Variants in AFF4 observed in about 807,000 individuals in gnomAD.
AFF4 encodes the protein ALF transcription elongation factor 4.
Under a neutral mutation model 124.8 loss-of-function variants are expected in AFF4, and 13 were observed. The observed-to-expected ratio is 0.10, with a 90% confidence interval of 0.07 to 0.17. AFF4 has a LOEUF of 0.17. AFF4 is among the 10% of genes least tolerant of loss of function. The pLI is 1.00. For synonymous variants in AFF4, 477 were observed against 496.1 expected (o/e 0.96, Z 0.51); for missense variants, 1,092 against 1,403.8 (o/e 0.78, Z 3.55).
Position 132,891,744 on chromosome 5 carries a change from C to T in AFF4, c.2637+420G>A, listed in dbSNP as rs1300006157. 2.3e-5 allele frequency: 5 copies of T among 218,278 alleles called. No homozygotes were observed. In the East Asian group the frequency reaches 3.8e-4, roughly 17 times the overall value. 13.5% of individuals were successfully genotyped at this position (218,278 alleles called of 1,614,324 possible). On this transcript the variant is annotated intron_variant, in intron 13 of 20. Transcript: ENST00000265343. ...AACTCAATCTTAGCAACTAGAACCACTTAGTTCTTATTTTAAAAGCTTCCA... is the reference window on the plus strand; with the variant it reads ...AACTCAATCTTAGCAACTAGAACCATTTAGTTCTTATTTTAAAAGCTTCCA...
At chr5:132,901,966 C>T (rs1561487380) in intron 7 of AFF4, among the ~76,000 whole-genome samples, 1 of 152,230 alleles carries the variant, frequency 6.6e-6, no homozygotes, top group African/African-American at 2.4e-5. Flanking sequence ...AAAACACAGA[C>T]TATGTGGCTC....
At chr5:132,913,910 AAC>A (rs1229327554) in intron 5 of AFF4, among the ~76,000 whole-genome samples, 2 of 152,190 alleles carry the variant, frequency 1.3e-5, no homozygotes, top group Non-Finnish European at 1.5e-5. Flanking sequence ...TTTGGGAACC[AAC>A]ACAGTTAGAT....
At chr5:132,953,569 A>T (rs971228456) in intron 1 of AFF4, among the ~76,000 whole-genome samples, 1 of 152,150 alleles carries the variant, frequency 6.6e-6, no homozygotes, top group East Asian at 1.9e-4. Flanking sequence ...CAAAAATCTC[A>T]ATCTTAATAC....
At chr5:132,910,804 T>C (rs1760777640) in intron 5 of AFF4, among the ~76,000 whole-genome samples, 1 of 152,236 alleles carries the variant, frequency 6.6e-6, no homozygotes, top group Admixed American at 6.5e-5. Context: ...CGTTTTCCTA[T>C]GTTCTTTAAA....
In AFF4 at chr5:132,899,550, A is replaced by G. The variant is rs374873141; in HGVS notation, c.1188+37T>C. On this transcript the variant is annotated intron_variant, in intron 8 of 20. Transcript: ENST00000265343. ...TTTTATAAAATACAATGAAAATACTATATGAGACTGGCAAAATAATACAAT... is the reference window on the plus strand; with the variant it reads ...TTTTATAAAATACAATGAAAATACTGTATGAGACTGGCAAAATAATACAAT... The G allele has an allele frequency of 1.6e-4, 255 of 1,548,630 alleles. 1 individual carries two copies. Among genetic ancestry groups the G allele is most frequent in the Middle Eastern group, 6.8e-4 (4 of 5,888 alleles).
At chr5:132,935,277 G>C (rs1430516811) in intron 2 of AFF4, among the ~76,000 whole-genome samples, 1 of 152,200 alleles carries the variant, frequency 6.6e-6, no homozygotes, top group East Asian at 1.9e-4. Flanking sequence ...CACCTGTGAA[G>C]AGCAACTGCA....
Position 132,963,382 on chromosome 5 carries a change from C to G in AFF4, c.-128G>C. 1 of 397,756 alleles carries G rather than the reference C, an allele frequency of 2.5e-6. No individual in the cohort carries two copies. The highest frequency in any genetic ancestry group is 2.1e-5 in the African/African-American group (1 of 48,706). The allele number at this position is 397,756 out of a possible 1,614,324, so 24.6% of individuals were successfully genotyped here. On this transcript the variant is annotated 5_prime_UTR_variant, in exon 1 of 21. Coordinates refer to ENST00000265343, the MANE Select transcript of AFF4 (RefSeq NM_014423.4). ...GGGGGCGGTGACAGGCTGCCAAGGGCGAGGGGCTCCGGGAGGCGGCGGGGG... is the reference window on the plus strand; with the variant it reads ...GGGGGCGGTGACAGGCTGCCAAGGGGGAGGGGCTCCGGGAGGCGGCGGGGG...
At chr5:132,949,834 CG>C (rs1328422560) in intron 1 of AFF4, among the ~76,000 whole-genome samples, 1 of 132,858 alleles carries the variant, frequency 7.5e-6, no homozygotes, top group African/African-American at 3.0e-5. Context: ...TGCACTAGAG[CG>C]AGACTCTGTC....
chr5:132,902,108 C>T (rs1269363892), intron 7 of AFF4, among the ~76,000 whole-genome samples: 2 of 152,144 alleles, frequency 1.3e-5, no homozygotes, highest in African/African-American at 4.8e-5. Flanking sequence ...AGTGAAGTGG[C>T]ACGATCTCGG....
rs1198943917 is a variant in AFF4 at position 132,876,574 on chromosome 5, A to G, written c.*4485T>C. The G allele has an allele frequency of 9.6e-6, 2 of 208,970 alleles. No homozygotes were observed. Among genetic ancestry groups the G allele is most frequent in the African/African-American group, 2.3e-5 (1 of 43,960 alleles). The allele number at this position is 208,970 out of a possible 1,614,324, so 12.9% of individuals were successfully genotyped here. ...CATTCCTGAAAGTCAACTTCTTTACATGATGACTACTTAGGCTGCTATTTT... is the reference window on the plus strand; with the variant it reads ...CATTCCTGAAAGTCAACTTCTTTACGTGATGACTACTTAGGCTGCTATTTT... On this transcript the variant is annotated 3_prime_UTR_variant, in exon 21 of 21. Transcript: ENST00000265343.
At chr5:132,886,428 A>C (rs773723135) in intron 17 of AFF4, 25 bp from the exon 18 acceptor site, 103 of 1,607,944 alleles carry the variant, frequency 6.4e-5, no homozygotes, top group Non-Finnish European at 3.7e-5. Flanking sequence ...AGGGCGGCTT[A>C]TTTACCAGGA....
At chr5:132,952,398 C>T (rs1049546675) in intron 1 of AFF4, among the ~76,000 whole-genome samples, 1 of 152,184 alleles carries the variant, frequency 6.6e-6, no homozygotes, top group Non-Finnish European at 1.5e-5. Context: ...ACTTGACTTA[C>T]CATTCAATAC....
At chr5:132,951,945 G>C (rs1761851937) in intron 1 of AFF4, among the ~76,000 whole-genome samples, 1 of 152,122 alleles carries the variant, frequency 6.6e-6, no homozygotes. Flanking sequence ...TCAGTTTTTT[G>C]AATCCTCAGC....
intron 7 of AFF4, among the ~76,000 whole-genome samples, chr5:132,901,780 C>A (rs538898598): frequency 6.6e-6 from 1 of 152,246 alleles, no homozygotes; most frequent in East Asian, 1.9e-4. Context: ...CACACAAAAA[C>A]ATACACATAC....
At chr5:132,887,664 C>G (rs1760149196) in intron 16 of AFF4, 72 bp from the exon 17 acceptor site, 1 of 1,536,524 alleles carries the variant, frequency 6.5e-7, no homozygotes, top group Admixed American at 1.7e-5. Flanking sequence ...CACTTGTCCT[C>G]AAAACATTAG....
Position 132,934,216 on chromosome 5 carries a change from G to T in AFF4, c.849C>A (p.Ser283Arg). The change falls in exon 3 of 21, where the codon AGC (serine) becomes AGA (arginine). Residue 283 changes from serine to arginine, a missense_variant. Around this residue, in one of 11 missense-constraint regions of AFF4, gnomAD observed 148 missense variants for 196.3 expected, o/e 0.75. Coordinates refer to ENST00000265343, the MANE Select transcript of AFF4 (RefSeq NM_014423.4). ...EHYSSQSHGN[S>R]MTELKPSSKA... is the part of the protein sequence containing the mutation. ...TGCTGCTGGGCTTCAGCTCAGTCATGCTGTTGCCATGGGATTGGCTGCTGT... is the reference window on the plus strand; with the variant it reads ...TGCTGCTGGGCTTCAGCTCAGTCATTCTGTTGCCATGGGATTGGCTGCTGT... The T allele has an allele frequency of 6.2e-7, 1 of 1,614,188 alleles. No individual in the cohort carries two copies. The highest frequency in any genetic ancestry group is 8.5e-7 in the Non-Finnish European group (1 of 1,180,040).
rs1264221793 is a variant in AFF4, at chr5:132,963,349, C to T, written c.-95G>A. ...CACCTTCACCGGACGCGCATTCGAG[C>T]CCGCCCAGGGGGCGGTGACAGGCTG... is the stretch of plus-strand genomic sequence containing the variant. On this transcript the variant is annotated 5_prime_UTR_variant, in exon 1 of 21. Transcript: ENST00000265343. 5 of 397,170 alleles carry T rather than the reference C, an allele frequency of 1.3e-5. No individual in the cohort carries two copies. Among genetic ancestry groups the T allele is most frequent in the Non-Finnish European group, 4.4e-6 (1 of 225,118 alleles). The allele number at this position is 397,170 out of a possible 1,614,324, so 24.6% of individuals were successfully genotyped here. A position where few individuals can be genotyped will look rare whatever the true frequency, so the allele number is the denominator to read the frequency against.
rs1277926415 is a variant in AFF4 at position 132,880,395 on chromosome 5, G to A, written c.*664C>T. 5.0e-6 allele frequency: 2 copies of A among 398,584 alleles called. No homozygotes were observed. The highest frequency in any genetic ancestry group is 8.9e-6 in the Non-Finnish European group (2 of 225,936). The allele number at this position is 398,584 out of a possible 1,614,324, so 24.7% of individuals were successfully genotyped here. A position where few individuals can be genotyped will look rare whatever the true frequency, so the allele number is the denominator to read the frequency against. Reference sequence around the variant, plus strand: ...TTTTGAAATAATGCATACCAAATCAGACACATTTCATAGTACATACATGTA... The same window carrying A: ...TTTTGAAATAATGCATACCAAATCAAACACATTTCATAGTACATACATGTA... On this transcript the variant is annotated 3_prime_UTR_variant, in exon 21 of 21. Coordinates refer to ENST00000265343, the MANE Select transcript of AFF4 (RefSeq NM_014423.4).
intron 5 of AFF4, among the ~76,000 whole-genome samples, chr5:132,924,823 C>T (rs925818967): frequency 3.9e-5 from 6 of 151,958 alleles, no homozygotes; most frequent in Non-Finnish European, 2.9e-5. Flanking sequence ...CCAGGTGACA[C>T]AGCAAGACTC....
Sources: allele counts gnomAD v4.1 joint callset (sites outside exome capture counted in the v4.1 genomes callset), GRCh38; gene constraint gnomAD v4.1.1; regional missense constraint gnomAD v4.1.1; transcripts MANE v1.5; gene names NCBI Gene and HGNC (gene_info 2026-07-23, HGNC 2026-07-21).